Variants in OLAH observed in about 807,000 individuals in gnomAD.
OLAH encodes the protein S-acyl fatty acid synthase thioesterase, medium chain.
OLAH carries 33 observed loss-of-function variants against 27.8 expected under a neutral mutation model. That is an observed-to-expected ratio of 1.19 (90% CI 0.90 to 1.59). The LOEUF is 1.59. Among genes scored for constraint, OLAH ranks in the 40% most tolerant of loss-of-function variants. The pLI is 0.00. For missense variants in OLAH, 359 were observed against 310.8 expected, an observed-to-expected ratio of 1.16 and a Z score of -1.17; for synonymous variants, 120 against 102.9, an observed-to-expected ratio of 1.17 and a Z score of -1.01.
chr10:15,051,704 A>AT (rs1010835406), intron 3 of OLAH, among the ~76,000 whole-genome samples: 119 of 147,238 alleles, frequency 8.1e-4, no homozygotes, highest in South Asian at 1.3e-3. Context: ...ATCATCCCTA[A>AT]TTTTTTTTTT....
At position 15,073,266 on chromosome 10, in the gene OLAH, TATC is replaced by T. The variant is rs1564537337; in HGVS notation, c.*40_*42del. 9.7e-6 allele frequency: 13 copies of T among 1,333,856 alleles called. 1 individual carries two copies. The African/African-American group carries it at 1.0e-4, about 11-fold the overall frequency. The allele number at this position is 1,333,856 out of a possible 1,614,324, so 82.6% of individuals were successfully genotyped here. ...TTCACTTTTAAAATAATCAAAGTAA[TATC>T]ATACTCTTCTCAGTTATTCAGATAT... On this transcript the variant is annotated 3_prime_UTR_variant, in exon 8 of 8. Transcript: ENST00000378228.
intron 1 of OLAH, among the ~76,000 whole-genome samples, chr10:15,033,097 G>C (rs1248774212): frequency 6.6e-6 from 1 of 151,086 alleles, no homozygotes; most frequent in African/African-American, 2.4e-5. Flanking sequence ...GGCTGGTCTT[G>C]AACTCCTGAC....
chr10:15,071,455 G>C (rs1844585124), intron 6 of OLAH: 1 of 912,844 alleles, frequency 1.1e-6, no homozygotes, highest in Non-Finnish European at 1.3e-6. Context: ...CCCTCTGCTG[G>C]GCCAAGGAGA....
intron 3 of OLAH, chr10:15,057,066 A>C: frequency 3.9e-6 from 5 of 1,275,774 alleles, no homozygotes; most frequent in African/African-American, 1.5e-5. Flanking sequence ...AGAAGCTTTA[A>C]ATTTTAATAT....
chr10:15,045,317 A>G (rs1352679250), intron 1 of OLAH, among the ~76,000 whole-genome samples: 1 of 152,250 alleles, frequency 6.6e-6, no homozygotes, highest in African/African-American at 2.4e-5. Context: ...ACCTAATTTT[A>G]TGAAAACTTT....
chr10:15,033,243 G>A (rs1029167321), intron 1 of OLAH, among the ~76,000 whole-genome samples: 7 of 152,076 alleles, frequency 4.6e-5, no homozygotes, highest in African/African-American at 9.7e-5. Flanking sequence ...TAGGAAAAAT[G>A]ACTAGAAATC....
chr10:15,035,651 T>C (rs1843830134), intron 1 of OLAH, among the ~76,000 whole-genome samples: 1 of 151,888 alleles, frequency 6.6e-6, no homozygotes, highest in Non-Finnish European at 1.5e-5. Context: ...ACCCAAACTA[T>C]ATCAAGCGCC....
chr10:15,040,673 AT>A (rs1843906434), upstream of OLAH, among the ~76,000 whole-genome samples: 2 of 116,040 alleles, frequency 1.7e-5, no homozygotes, highest in African/African-American at 3.0e-5. Context: ...TTCTACTCCT[AT>A]TCATTCATTT....
chr10:15,062,124 A>G (rs1844379717), intron 4 of OLAH: 1 of 334,018 alleles, frequency 3.0e-6, no homozygotes, highest in Admixed American at 4.5e-5. Flanking sequence ...TTTTTGAAAT[A>G]AGAAATTATG....
intron 1 of OLAH, among the ~76,000 whole-genome samples, chr10:15,038,048 G>A (rs1037440931): frequency 4.6e-5 from 7 of 152,244 alleles, no homozygotes; most frequent in African/African-American, 1.7e-4. Flanking sequence ...GCATTAGTGT[G>A]ACCCAGATGC....
At chr10:15,065,310 G>A (rs187694971) in intron 5 of OLAH, among the ~76,000 whole-genome samples, 20 of 152,166 alleles carry the variant, frequency 1.3e-4, no homozygotes, top group African/African-American at 4.3e-4. Context: ...TACCTCTTTG[G>A]TCTTTCCCAC....
chr10:15,047,826 C>T (rs1179131265), intron 2 of OLAH, among the ~76,000 whole-genome samples: 1 of 152,104 alleles, frequency 6.6e-6, no homozygotes, highest in African/African-American at 2.4e-5. Context: ...AAAAAGTTTT[C>T]GTTTGTGCCT....
intron 6 of OLAH, chr10:15,071,514 C>A: frequency 1.0e-6 from 1 of 984,816 alleles, no homozygotes; most frequent in Non-Finnish European, 1.2e-6. Flanking sequence ...GTTTAAAGGA[C>A]TGGTTCCACC....
At chr10:15,044,340 C>G (rs928696811) in intron 1 of OLAH, among the ~76,000 whole-genome samples, 6 of 152,086 alleles carry the variant, frequency 3.9e-5, no homozygotes, top group Non-Finnish European at 7.3e-5. Context: ...CATATTTATA[C>G]AGTCTAAATT....
chr10:15,063,780 C>T (rs1326206), intron 4 of OLAH, among the ~76,000 whole-genome samples: 132,725 of 152,200 alleles, frequency 0.87, 58,350 homozygotes, highest in East Asian at 1. Flanking sequence ...TTGACATAAA[C>T]AATATATTTT....
At chr10:15,039,538 C>T (rs1485541337), upstream of OLAH, among the ~76,000 whole-genome samples, 2 of 152,200 alleles carry the variant, frequency 1.3e-5, no homozygotes, top group African/African-American at 2.4e-5. Context: ...GATTGTGCCA[C>T]TGCACTCCAG....
chr10:15,065,898 G>GGCC (rs1367208650), intron 6 of OLAH, 145 bp downstream of exon 6: 1 of 675,664 alleles, frequency 1.5e-6, no homozygotes, highest in African/African-American at 1.8e-5. Flanking sequence ...CCTATGGTAT[G>GGCC]TATACTGGTT....
intron 1 of OLAH, among the ~76,000 whole-genome samples, chr10:15,034,804 C>CTT (rs71505056): frequency 0.022 from 1,819 of 83,424 alleles, 51 homozygotes; most frequent in African/African-American, 0.058. Flanking sequence ...TTCTTTCTTT[C>CTT]TTTTTTTTTT....
intron 1 of OLAH, among the ~76,000 whole-genome samples, chr10:15,034,621 G>T (rs1843812323): frequency 6.6e-6 from 1 of 152,112 alleles, no homozygotes; most frequent in South Asian, 2.1e-4. Flanking sequence ...GCTGGAAGTG[G>T]TCTATGGCCC....
Sources: allele counts gnomAD v4.1 joint callset (sites outside exome capture counted in the v4.1 genomes callset), GRCh38; gene constraint gnomAD v4.1.1; transcripts MANE v1.5; gene names NCBI Gene and HGNC (gene_info 2026-07-23, HGNC 2026-07-21).